CRISPLD2: variants seen among roughly 807,000 people sequenced by gnomAD.
CRISPLD2 encodes cysteine rich secretory protein LCCL domain containing 2.
A neutral mutation model predicts 71.1 loss-of-function variants in CRISPLD2; 47 were observed. That is an observed-to-expected ratio of 0.66 (90% CI 0.52 to 0.84). The LOEUF (loss-of-function observed/expected upper bound fraction) is 0.84. Ranked by LOEUF, CRISPLD2 falls within the 40% of genes least tolerant of loss-of-function variation. The pLI is 0.00. For missense variants in CRISPLD2, 830 were observed against 651.1 expected, an observed-to-expected ratio of 1.27 and a Z score of -2.99; for synonymous variants, 317 against 250.1, an observed-to-expected ratio of 1.27 and a Z score of -2.52.
At chr16:84,854,691 T>C (rs1917185997) in intron 5 of CRISPLD2, 38 bp from the exon 6 acceptor site, 1 of 1,508,560 alleles carries the variant, frequency 6.6e-7, no homozygotes, top group Admixed American at 1.7e-5. Context: ...CCTCACGTCG[T>C]GGTTCCCTCT....
intron 13 of CRISPLD2, among the ~76,000 whole-genome samples, chr16:84,884,724 A>C (rs1435097689): frequency 6.6e-6 from 1 of 152,200 alleles, no homozygotes; most frequent in Non-Finnish European, 1.5e-5. Context: ...AGATCCGGCC[A>C]TGGGTGTGAG....
chr16:84,826,318 C>A (rs1376864352), intron 1 of CRISPLD2, among the ~76,000 whole-genome samples: 1 of 152,242 alleles, frequency 6.6e-6, no homozygotes, highest in Non-Finnish European at 1.5e-5. Context: ...GGCTTTCTTC[C>A]AGAAGAACAC....
chr16:84,889,783 T>TGTGTGTGTGC (rs2071645654), intron 14 of CRISPLD2, among the ~76,000 whole-genome samples: 1 of 151,502 alleles, frequency 6.6e-6, no homozygotes, highest in Admixed American at 6.6e-5. Flanking sequence ...TGTGTGTGTG[T>TGTGTGTGTGC]GTGTGTGCAT....
intron 13 of CRISPLD2, among the ~76,000 whole-genome samples, chr16:84,888,086 A>G (rs2071628630): frequency 6.6e-6 from 1 of 152,228 alleles, no homozygotes; most frequent in Non-Finnish European, 1.5e-5. Flanking sequence ...TCTGGAAGCC[A>G]GAAGTCCAAT....
intron 1 of CRISPLD2, among the ~76,000 whole-genome samples, chr16:84,837,437 G>C (rs1409182099): frequency 1.5e-5 from 2 of 133,910 alleles, no homozygotes; most frequent in East Asian, 4.3e-4. Context: ...TTTTTTCTGA[G>C]ACGGAGTCTC....
At chr16:84,892,457 A>G (rs149032796) in intron 14 of CRISPLD2, among the ~76,000 whole-genome samples, 18 of 152,212 alleles carry the variant, frequency 1.2e-4, no homozygotes, top group African/African-American at 2.9e-4. Context: ...TAACAGCTCA[A>G]TAGTTTCTGT....
At chr16:84,892,206 G>C (rs777260455) in intron 14 of CRISPLD2, among the ~76,000 whole-genome samples, 1 of 152,182 alleles carries the variant, frequency 6.6e-6, no homozygotes, top group Non-Finnish European at 1.5e-5. Flanking sequence ...CCCAGAGCTT[G>C]TTGGAAAAGC....
At chr16:84,848,980 C>A (rs1453340123) in intron 3 of CRISPLD2, among the ~76,000 whole-genome samples, 3 of 108,392 alleles carry the variant, frequency 2.8e-5, no homozygotes, top group Non-Finnish European at 5.8e-5. Context: ...AGCGAGACTC[C>A]GTCTCAAAAA....
intron 14 of CRISPLD2, among the ~76,000 whole-genome samples, chr16:84,904,041 A>C (rs1242688074): frequency 6.6e-6 from 1 of 152,210 alleles, no homozygotes; most frequent in African/African-American, 2.4e-5. Flanking sequence ...TGGCCAAGAC[A>C]CAGGAAGGCC....
chr16:84,880,526 A>G lies in CRISPLD2; in HGVS notation c.1247A>G (p.His416Arg), dbSNP rs1407621974. ...TTTTTCAGAATCCATTGTCCGGCAC[A>G]CTGCAAAGACGAACCTTCCTACTGG... ...THCPRIHCPA[H>R]CKDEPSYWAP... is the part of the protein sequence containing the mutation. The change falls in exon 13 of 15, where the codon CAC becomes CGC. Residue 416 changes from histidine to arginine, a missense_variant. By Grantham distance (29) the His-to-Arg change is conservative. Coordinates refer to ENST00000262424, the MANE Select transcript of CRISPLD2 (RefSeq NM_031476.4). 1 of 1,613,648 alleles carries G rather than the reference A, an allele frequency of 6.2e-7. No individual in the cohort carries two copies. Among genetic ancestry groups the G allele is most frequent in the Non-Finnish European group, 8.5e-7 (1 of 1,179,672 alleles).
At chr16:84,840,975 C>A (rs542333260) in intron 2 of CRISPLD2, among the ~76,000 whole-genome samples, 1 of 152,288 alleles carries the variant, frequency 6.6e-6, no homozygotes, top group East Asian at 1.9e-4. Flanking sequence ...GAGATTCTTG[C>A]TATAAAGAGG....
chr16:84,860,883 T>C (rs1917361245), intron 6 of CRISPLD2, among the ~76,000 whole-genome samples: 1 of 152,194 alleles, frequency 6.6e-6, no homozygotes, highest in East Asian at 1.9e-4. Context: ...CTCATGATAA[T>C]CTTAGCAGAT....
At chr16:84,893,498 AGC>A (rs1350993639) in intron 14 of CRISPLD2, among the ~76,000 whole-genome samples, 3 of 152,132 alleles carry the variant, frequency 2.0e-5, no homozygotes, top group Non-Finnish European at 2.9e-5. Flanking sequence ...ACACTTAGGG[AGC>A]GCTGACGATG....
At chr16:84,826,933 C>T (rs554226958) in intron 1 of CRISPLD2, among the ~76,000 whole-genome samples, 2 of 152,228 alleles carry the variant, frequency 1.3e-5, no homozygotes, top group Non-Finnish European at 2.9e-5. Context: ...ACCACTCCTG[C>T]CCTCTTAATC....
intron 6 of CRISPLD2, among the ~76,000 whole-genome samples, chr16:84,856,036 G>T (rs748502422): frequency 6.6e-6 from 1 of 152,224 alleles, no homozygotes; most frequent in Non-Finnish European, 1.5e-5. Context: ...AACTGGTCAC[G>T]TGGTTATAGC....
intron 14 of CRISPLD2, among the ~76,000 whole-genome samples, chr16:84,897,608 GTTGT>G (rs970035729): frequency 3.5e-4 from 53 of 151,730 alleles, no homozygotes; most frequent in African/African-American, 5.3e-4. Flanking sequence ...GCCTTTTTTT[GTTGT>G]TTGTTTGTTT....
intron 13 of CRISPLD2, among the ~76,000 whole-genome samples, chr16:84,887,651 T>C (rs918218113): frequency 2.6e-5 from 4 of 151,968 alleles, no homozygotes; most frequent in Non-Finnish European, 4.4e-5. Context: ...CCGAGGCGTG[T>C]GGATCACCTG....
rs564166944 is a variant in CRISPLD2 at position 84,885,965 on chromosome 16, T to C, written c.1306-3265T>C. On this transcript the variant is annotated intron_variant, in intron 13 of 14. Transcript: ENST00000262424. ...ACCCGTGTAGCTGGAACTACAGGCA[T>C]GTGCCACAACATCTGACTAACGTTT... 1.9e-4 allele frequency among the ~76,000 whole-genome samples: 29 copies of C among 152,176 alleles called. 1 individual carries two copies. The South Asian group carries it at 5.8e-3, about 30-fold the overall frequency.
intron 6 of CRISPLD2, among the ~76,000 whole-genome samples, chr16:84,855,275 G>A (rs1917206288): frequency 6.6e-6 from 1 of 152,068 alleles, no homozygotes; most frequent in South Asian, 2.1e-4. Context: ...GAACTAATAG[G>A]ATATATATAA....
Sources: allele counts gnomAD v4.1 joint callset (sites outside exome capture counted in the v4.1 genomes callset), GRCh38; gene constraint gnomAD v4.1.1; transcripts MANE v1.5; gene names NCBI Gene and HGNC (gene_info 2026-07-23, HGNC 2026-07-21).